INPP4B: variants seen among roughly 807,000 people sequenced by gnomAD.
INPP4B encodes inositol polyphosphate 4-phosphatase type II.
Under a neutral mutation model 122.5 loss-of-function variants are expected in INPP4B, and 55 were observed. That is an observed-to-expected ratio of 0.45 (90% CI 0.36 to 0.56). INPP4B has a LOEUF of 0.56. Among genes scored for constraint, INPP4B ranks in the 20% least tolerant of loss-of-function variants. INPP4B has a pLI of 0.00. For synonymous variants in INPP4B, 403 were observed against 388.7 expected (o/e 1.04, Z -0.43); for missense variants, 1,000 against 1,097.7 (o/e 0.91, Z 1.26).
At chr4:142,474,982 A>G (rs1819565053) in intron 2 of INPP4B, among the ~76,000 whole-genome samples, 1 of 152,230 alleles carries the variant, frequency 6.6e-6, no homozygotes, top group Non-Finnish European at 1.5e-5. Context: ...TAGAGTTTCT[A>G]GACCAGCAGT....
At chr4:142,369,295 A>C (rs930565739) in intron 7 of INPP4B, among the ~76,000 whole-genome samples, 3 of 152,082 alleles carry the variant, frequency 2.0e-5, no homozygotes, top group Admixed American at 6.6e-5. Context: ...AAAACAAAAA[A>C]TTCCTAGGCC....
intron 2 of INPP4B, among the ~76,000 whole-genome samples, chr4:142,519,367 A>C (rs1825802216): frequency 6.6e-6 from 1 of 152,170 alleles, no homozygotes; most frequent in South Asian, 2.1e-4. Flanking sequence ...AGCACAATAC[A>C]TCATTCCATT....
chr4:142,555,023 C>A (rs1485034854), intron 2 of INPP4B, among the ~76,000 whole-genome samples: 2 of 152,146 alleles, frequency 1.3e-5, no homozygotes, highest in South Asian at 2.1e-4. Context: ...GGCAAGCGAT[C>A]AGGATTTAAA....
chr4:142,563,715 G>T (rs1374878614), intron 2 of INPP4B, among the ~76,000 whole-genome samples: 1 of 152,172 alleles, frequency 6.6e-6, no homozygotes, highest in Non-Finnish European at 1.5e-5. Flanking sequence ...ATATTGTCTA[G>T]CTCTGAGCAT....
intron 20 of INPP4B, 33 bp from the exon 21 acceptor site, chr4:142,122,278 A>G: frequency 6.7e-7 from 1 of 1,488,846 alleles, no homozygotes. Flanking sequence ...AGCTACAAAC[A>G]AACATTTGAG....
intron 25 of INPP4B, among the ~76,000 whole-genome samples, chr4:142,048,240 CT>C (rs1384092257): frequency 1.3e-5 from 2 of 152,112 alleles, no homozygotes; most frequent in African/African-American, 2.4e-5. Flanking sequence ...CTGTGCTATA[CT>C]TTTTTCCTAC....
intron 2 of INPP4B, among the ~76,000 whole-genome samples, chr4:142,500,668 T>A (rs1013471032): frequency 3.9e-5 from 6 of 152,160 alleles, no homozygotes; most frequent in African/African-American, 1.4e-4. Flanking sequence ...GCAATGAACA[T>A]GGGACTGCTA....
Position 142,735,924 on chromosome 4 carries a change from AACACACACACAC to A in INPP4B, c.-253-10035_-253-10024del, listed in dbSNP as rs33993491. On this transcript the variant is annotated intron_variant, in intron 1 of 25. Coordinates refer to ENST00000262992, the MANE Select transcript of INPP4B (RefSeq NM_001101669.3). Reference sequence around the variant, plus strand: ...TTACGTATATCATTCTATACATTGCAACACACACACACACACACACACACACACACACACACA... The same window carrying A: ...TTACGTATATCATTCTATACATTGCAACACACACACACACACACACACACA... Among the ~76,000 whole-genome samples the A allele has an allele frequency of 3.6e-4, 52 of 142,734 alleles. No homozygotes were observed. The Middle Eastern group carries it at 0.014, about 38-fold the overall frequency. 93.6% of individuals were successfully genotyped at this position (142,734 alleles called of 152,430 possible).
At chr4:142,138,601 G>T (rs912433763) in intron 18 of INPP4B, among the ~76,000 whole-genome samples, 1 of 152,238 alleles carries the variant, frequency 6.6e-6, no homozygotes, top group African/African-American at 2.4e-5. Flanking sequence ...ATCTCAGATA[G>T]AGATCACTGT....
chr4:142,428,439 G>GAA (rs761603416), intron 5 of INPP4B, among the ~76,000 whole-genome samples: 1 of 131,688 alleles, frequency 7.6e-6, no homozygotes, highest in Non-Finnish European at 1.7e-5. Flanking sequence ...ACCATGACAG[G>GAA]AAAAAAAAAA....
chr4:142,080,907 AT>A (rs1327032851), intron 25 of INPP4B, among the ~76,000 whole-genome samples: 8 of 152,242 alleles, frequency 5.3e-5, no homozygotes, highest in Non-Finnish European at 1.2e-4. Context: ...CTGAGATATT[AT>A]TTTTTGAAAG....
chr4:142,698,379 A>G (rs899606478), intron 2 of INPP4B, among the ~76,000 whole-genome samples: 6 of 151,734 alleles, frequency 4.0e-5, no homozygotes, highest in Non-Finnish European at 7.4e-5. Flanking sequence ...TATTCTTGTC[A>G]TAACTATTTG....
At chr4:142,432,941 G>T (rs990377535) in intron 3 of INPP4B, among the ~76,000 whole-genome samples, 1 of 152,098 alleles carries the variant, frequency 6.6e-6, no homozygotes, top group African/African-American at 2.4e-5. Flanking sequence ...TTTGAGGATG[G>T]GAGGAGAAGA....
At chr4:142,653,288 A>C (rs1452871477) in intron 2 of INPP4B, among the ~76,000 whole-genome samples, 1 of 152,216 alleles carries the variant, frequency 6.6e-6, no homozygotes, top group African/African-American at 2.4e-5. Context: ...AAACCTAGGC[A>C]ATACCATTCA....
chr4:142,058,369 C>T (rs182982012), intron 25 of INPP4B, among the ~76,000 whole-genome samples: 457 of 152,170 alleles, frequency 3.0e-3, no homozygotes, highest in African/African-American at 0.01. Context: ...AAAAACAGCT[C>T]CTCATTTTCA....
intron 11 of INPP4B, among the ~76,000 whole-genome samples, chr4:142,259,381 A>G (rs924372697): frequency 4.0e-5 from 6 of 151,564 alleles, no homozygotes; most frequent in African/African-American, 1.5e-4. Flanking sequence ...AAAAAAAGAA[A>G]AAAAAAAGAT....
chr4:142,414,860 AC>A (rs1805346985), intron 5 of INPP4B, among the ~76,000 whole-genome samples: 1 of 152,190 alleles, frequency 6.6e-6, no homozygotes, highest in South Asian at 2.1e-4. Flanking sequence ...TTTGGAAACA[AC>A]AAGTGTTTGC....
intron 5 of INPP4B, 124 bp downstream of exon 5, chr4:142,429,049 A>G: frequency 1.8e-6 from 1 of 564,570 alleles, no homozygotes; most frequent in South Asian, 2.5e-5. Flanking sequence ...GAACAATTTT[A>G]AAAATAGAAC....
intron 3 of INPP4B, among the ~76,000 whole-genome samples, chr4:142,452,540 TGAA>T (rs1814528851): frequency 6.6e-6 from 1 of 152,176 alleles, no homozygotes; most frequent in African/African-American, 2.4e-5. Context: ...AAGGTAGAAT[TGAA>T]GAGGTATAAA....
Sources: allele counts gnomAD v4.1 joint callset (sites outside exome capture counted in the v4.1 genomes callset), GRCh38; gene constraint gnomAD v4.1.1; transcripts MANE v1.5; gene names NCBI Gene and HGNC (gene_info 2026-07-23, HGNC 2026-07-21).